RAD54B: variants seen among roughly 807,000 people sequenced by gnomAD.
RAD54B encodes DNA repair and recombination protein RAD54B.
A neutral mutation model predicts 95.8 loss-of-function variants in RAD54B; 78 were observed. The ratio of observed to expected loss-of-function variants is 0.81; its 90% CI spans 0.68 to 0.98. The LOEUF (loss-of-function observed/expected upper bound fraction) is 0.98. Ranked by LOEUF, RAD54B falls within the 50% of genes least tolerant of loss-of-function variation. The probability of loss-of-function intolerance (pLI) is 0.00; values close to 1 mark genes in which losing one functional copy is unlikely to be tolerated. For synonymous variants in RAD54B, 328 were observed against 354.9 expected (o/e 0.92, Z 0.85); for missense variants, 957 against 1,056.6 (o/e 0.91, Z 1.31).
intron 3 of RAD54B, among the ~76,000 whole-genome samples, chr8:94,422,312 T>C (rs967097584): frequency 2.6e-5 from 4 of 151,802 alleles, no homozygotes; most frequent in Middle Eastern, 3.4e-3. Flanking sequence ...ATCAGCCGGG[T>C]GCAGTGGTTC....
intron 2 of RAD54B, among the ~76,000 whole-genome samples, chr8:94,460,635 A>C (rs1243671501): frequency 3.9e-5 from 6 of 152,216 alleles, no homozygotes; most frequent in African/African-American, 1.4e-4. Flanking sequence ...GCATTGAACA[A>C]CACAAATTTA....
In RAD54B at chr8:94,469,686, G is replaced by A. The variant is rs533454259; in HGVS notation, c.-16-2131C>T. 4.2e-3 allele frequency among the ~76,000 whole-genome samples: 633 copies of A among 152,176 alleles called. 2 individuals are homozygous for A. Among genetic ancestry groups the A allele is most frequent in the Non-Finnish European group, 7.1e-3 (483 of 68,014 alleles). ...TCCACTAATCCATAAACCACATGAA[G>A]GCAGCAATCTCATGCTTGTTTTCTC... is the stretch of plus-strand genomic sequence containing the variant. On this transcript the variant is annotated intron_variant, in intron 1 of 14. Coordinates refer to ENST00000336148, the MANE Select transcript of RAD54B (RefSeq NM_012415.3).
At chr8:94,430,346 A>G in intron 3 of RAD54B, 2 of 984,096 alleles carry the variant, frequency 2.0e-6, no homozygotes, top group Non-Finnish European at 2.4e-6. Flanking sequence ...TGTAATTCAT[A>G]ATCTGGTATC....
At chr8:94,414,153 T>A (rs1207243001) in intron 3 of RAD54B, among the ~76,000 whole-genome samples, 1 of 152,110 alleles carries the variant, frequency 6.6e-6, no homozygotes. Flanking sequence ...TCTTATAGTT[T>A]AAAAATAAGA....
At chr8:94,425,564 A>G (rs1811922447) in intron 3 of RAD54B, among the ~76,000 whole-genome samples, 1 of 152,214 alleles carries the variant, frequency 6.6e-6, no homozygotes, top group East Asian at 1.9e-4. Context: ...AACAGTTTTT[A>G]TTACACTAAA....
In RAD54B at chr8:94,440,740, C is replaced by T. The variant is rs567503444; in HGVS notation, c.304+17528G>A. Among the ~76,000 whole-genome samples the T allele has an allele frequency of 9.2e-5, 14 of 152,178 alleles. No individual in the cohort carries two copies. The South Asian group carries it at 1.7e-3, about 18-fold the overall frequency. ...GTTAAGTTCTGCAGTGGAGAGGAGC[C>T]GGGTATCCTCTAATTCAACTTTCCA... is the stretch of plus-strand genomic sequence containing the variant. On this transcript the variant is annotated intron_variant, in intron 3 of 14. Coordinates refer to ENST00000336148, the MANE Select transcript of RAD54B (RefSeq NM_012415.3).
intron 9 of RAD54B, 48 bp from the exon 10 acceptor site, chr8:94,391,947 C>A (rs1211154709): frequency 2.1e-6 from 3 of 1,453,764 alleles, no homozygotes; most frequent in Non-Finnish European, 2.8e-6. Context: ...GACAAAAATA[C>A]ACTTAAAATG....
chr8:94,431,922 A>G, intron 3 of RAD54B: 1 of 1,231,302 alleles, frequency 8.1e-7, no homozygotes, highest in Non-Finnish European at 1.0e-6. Flanking sequence ...GAAAAAAAAA[A>G]GAAGACAATA....
chr8:94,384,868 T>C (rs1363337097), intron 11 of RAD54B, among the ~76,000 whole-genome samples: 1 of 152,128 alleles, frequency 6.6e-6, no homozygotes, highest in Admixed American at 6.6e-5. Context: ...TTTGGGAGAC[T>C]GAGGTACGCA....
At chr8:94,459,781 A>C (rs937423450) in intron 2 of RAD54B, among the ~76,000 whole-genome samples, 1 of 151,508 alleles carries the variant, frequency 6.6e-6, no homozygotes, top group African/African-American at 2.4e-5. Flanking sequence ...AATCGCTTGA[A>C]CTCAGGAGGC....
intron 3 of RAD54B, among the ~76,000 whole-genome samples, chr8:94,435,885 C>T (rs1563656651): frequency 6.6e-6 from 1 of 152,036 alleles, no homozygotes; most frequent in Non-Finnish European, 1.5e-5. Flanking sequence ...TAAACTGAAT[C>T]CCTAATTAGG....
chr8:94,418,804 T>G (rs1811732989), intron 3 of RAD54B, among the ~76,000 whole-genome samples: 1 of 152,216 alleles, frequency 6.6e-6, no homozygotes, highest in Admixed American at 6.5e-5. Context: ...AATTTGTTCC[T>G]TATTATTATA....
chr8:94,431,861 C>T, intron 3 of RAD54B: 2 of 1,113,350 alleles, frequency 1.8e-6, no homozygotes, highest in Non-Finnish European at 2.2e-6. Flanking sequence ...TTGTGTATAT[C>T]TTAGTGATCA....
intron 3 of RAD54B, among the ~76,000 whole-genome samples, chr8:94,456,913 G>A (rs1268115387): frequency 6.6e-6 from 1 of 152,188 alleles, no homozygotes; most frequent in African/African-American, 2.4e-5. Flanking sequence ...AGGTTCTCCA[G>A]TCCACTGAAT....
chr8:94,381,318 T>C (rs1250543886), intron 11 of RAD54B, among the ~76,000 whole-genome samples: 1 of 152,162 alleles, frequency 6.6e-6, no homozygotes, highest in Non-Finnish European at 1.5e-5. Context: ...AGTCCCCAAA[T>C]TTAAAAGCTA....
intron 3 of RAD54B, among the ~76,000 whole-genome samples, chr8:94,414,330 C>A (rs963014405): frequency 5.3e-5 from 8 of 152,084 alleles, no homozygotes; most frequent in Non-Finnish European, 1.0e-4. Flanking sequence ...CCTTCTCCTG[C>A]CTAATTGCCC....
At chr8:94,390,479 G>C (rs185407381) in intron 10 of RAD54B, among the ~76,000 whole-genome samples, 2 of 150,376 alleles carry the variant, frequency 1.3e-5, no homozygotes, top group Non-Finnish European at 3.0e-5. Context: ...CAGCCTGGGG[G>C]ACAAGAACAA....
At chr8:94,406,194 T>G (rs1024808138) in intron 5 of RAD54B, among the ~76,000 whole-genome samples, 1 of 152,086 alleles carries the variant, frequency 6.6e-6, no homozygotes, top group Non-Finnish European at 1.5e-5. Flanking sequence ...GACCCACGTT[T>G]TACACATGAG....
At chr8:94,428,151 A>G (rs892758290) in intron 3 of RAD54B, 3 of 850,182 alleles carry the variant, frequency 3.5e-6, no homozygotes, top group African/African-American at 3.7e-5. Context: ...GCTATCCACT[A>G]TCTAAATTAC....
Sources: gnomAD v4.1 joint callset for allele counts (sites outside exome capture counted in the v4.1 genomes callset) on GRCh38, gnomAD v4.1.1 for gene constraint, MANE v1.5 for transcripts, NCBI Gene and HGNC (gene_info 2026-07-23, HGNC 2026-07-21) for gene names.